The following IL5RA variants were observed in gnomAD, a reference collection of about 807,000 sequenced individuals.
IL5RA encodes the protein interleukin 5 receptor subunit alpha.
IL5RA carries 49 observed loss-of-function variants against 50.0 expected under a neutral mutation model. The observed-to-expected ratio is 0.98, with a 90% CI of 0.78 to 1.24. The LOEUF is 1.24. Among genes scored for constraint, IL5RA ranks in the 50% most tolerant of loss-of-function variants. The pLI is 0.00. For synonymous variants in IL5RA, 202 were observed against 174.0 expected, an observed-to-expected ratio of 1.16 and a Z score of -1.26; for missense variants, 600 against 500.4, an observed-to-expected ratio of 1.20 and a Z score of -1.90.
At position 3,098,008 on chromosome 3, in the gene IL5RA, C is replaced by G. The variant is rs150869333; in HGVS notation, c.571G>C (p.Gly191Arg). Residue 191 changes from glycine (G) to arginine (R), a missense_variant, in exon 7 of 12, where the codon GGG becomes CGG. Gly to Arg is a moderately radical substitution (Grantham distance 125). Transcript: ENST00000446632. Reference sequence around the variant, plus strand: ...GGAAACCAGCATGCGATATTTCTCCCCAGTGTGTCTTTGCTGTATTCTTGG... The same window carrying G: ...GGAAACCAGCATGCGATATTTCTCCGCAGTGTGTCTTTGCTGTATTCTTGG... Reference protein sequence around the residue: ...ECQEYSKDTLGRNIACWFPRT... With the variant: ...ECQEYSKDTLRRNIACWFPRT... 6.2e-7 allele frequency: 1 copy of G among 1,614,072 alleles called. No homozygotes were observed. The highest frequency in any genetic ancestry group is 8.5e-7 in the Non-Finnish European group (1 of 1,180,050).
intron 5 of IL5RA, among the ~76,000 whole-genome samples, chr3:3,099,789 C>T (rs1703554622): frequency 6.6e-6 from 1 of 151,926 alleles, no homozygotes; most frequent in Non-Finnish European, 1.5e-5. Context: ...CCTGCCTCAG[C>T]CTCCCGAGTA....
chr3:3,067,048 C>T lies in IL5RA; in HGVS notation c.*3177G>A, dbSNP rs1420243299. 6.6e-6 allele frequency: 1 copy of T among 152,266 alleles called. No homozygotes were observed. Among genetic ancestry groups the T allele is most frequent in the Non-Finnish European group, 1.5e-5 (1 of 68,078 alleles). The allele number at this position is 152,266 out of a possible 1,614,324, so 9.4% of individuals were successfully genotyped here. A position where few individuals can be genotyped will look rare whatever the true frequency, so the allele number is the denominator to read the frequency against. On this transcript the variant is annotated 3_prime_UTR_variant, in exon 12 of 12. Coordinates refer to ENST00000446632, the MANE Select transcript of IL5RA (RefSeq NM_175726.4). ...ATATCATGACTTTACCTTACATCAACCTGCTGCTGATGGTGTTTACTGTTA... is the reference window on the plus strand; with the variant it reads ...ATATCATGACTTTACCTTACATCAATCTGCTGCTGATGGTGTTTACTGTTA...
intron 9 of IL5RA, among the ~76,000 whole-genome samples, chr3:3,090,644 G>A (rs1703054063): frequency 1.4e-5 from 2 of 142,532 alleles, no homozygotes. Flanking sequence ...TCGGCTCACT[G>A]CAAGCTCCGC....
chr3:3,072,917 A>T (rs1266853936), intron 11 of IL5RA, among the ~76,000 whole-genome samples: 1 of 152,164 alleles, frequency 6.6e-6, no homozygotes, highest in African/African-American at 2.4e-5. Context: ...ATCTCAAACA[A>T]ACAAAACCAG....
chr3:3,070,036 GA>G lies in IL5RA; in HGVS notation c.*188del. The G allele has an allele frequency of 1.9e-6, 1 of 535,696 alleles. No homozygotes were observed. The highest frequency in any genetic ancestry group is 3.4e-6 in the Non-Finnish European group (1 of 297,912). The allele number at this position is 535,696 out of a possible 1,614,324, so 33.2% of individuals were successfully genotyped here. A position where few individuals can be genotyped will look rare whatever the true frequency, so the allele number is the denominator to read the frequency against. On this transcript the variant is annotated 3_prime_UTR_variant, in exon 12 of 12. Transcript: ENST00000446632. ...ATGAGTCAACTTCCCTGCTGTAGGT[GA>G]GGCGATTTGGATGAAGCATCCATAC...
intron 1 of IL5RA, among the ~76,000 whole-genome samples, chr3:3,109,662 A>G (rs3856850): frequency 0.24 from 37,090 of 152,124 alleles, 4,947 homozygotes; most frequent in South Asian, 0.45. Flanking sequence ...CCCAGAATCA[A>G]CATGACCTGC....
At chr3:3,086,443 G>A (rs1339227152) in intron 9 of IL5RA, among the ~76,000 whole-genome samples, 1 of 152,044 alleles carries the variant, frequency 6.6e-6, no homozygotes, top group Non-Finnish European at 1.5e-5. Flanking sequence ...TTAAAAAGGA[G>A]AAAGACATGT....
At chr3:3,108,465 G>C (rs1704036416) in intron 2 of IL5RA, 85 bp downstream of exon 2, 1 of 152,218 alleles carries the variant, frequency 6.6e-6, no homozygotes, top group African/African-American at 2.4e-5. Context: ...GAAAGAGTTT[G>C]CTACAAATAT....
intron 4 of IL5RA, among the ~76,000 whole-genome samples, chr3:3,102,304 G>A (rs1184314340): frequency 6.6e-6 from 1 of 152,164 alleles, no homozygotes; most frequent in Non-Finnish European, 1.5e-5. Context: ...TTTGAACTTA[G>A]TTTCCCTGAC....
intron 9 of IL5RA, among the ~76,000 whole-genome samples, chr3:3,079,329 T>G (rs1046452577): frequency 1.3e-5 from 2 of 152,192 alleles, no homozygotes; most frequent in Non-Finnish European, 2.9e-5. Flanking sequence ...CATGTTCTTC[T>G]TCATATAAAA....
chr3:3,094,963 G>C (rs566732508), intron 8 of IL5RA, among the ~76,000 whole-genome samples: 1 of 152,108 alleles, frequency 6.6e-6, no homozygotes, highest in Non-Finnish European at 1.5e-5. Flanking sequence ...CTGGTCTCAG[G>C]TGATCCACCC....
chr3:3,094,268 T>G (rs1703258340), intron 8 of IL5RA, among the ~76,000 whole-genome samples: 1 of 152,208 alleles, frequency 6.6e-6, no homozygotes, highest in African/African-American at 2.4e-5. Flanking sequence ...ACAATACCTC[T>G]CCTTCCACCC....
chr3:3,082,112 C>T (rs1468047118), intron 9 of IL5RA, among the ~76,000 whole-genome samples: 1 of 152,160 alleles, frequency 6.6e-6, no homozygotes, highest in Non-Finnish European at 1.5e-5. Context: ...AAAGTAAGCA[C>T]CTGCTCTGGT....
rs1704116376 is a variant in IL5RA, at chr3:3,110,181, A to C, written c.-382T>G. ...GTGCAGGAGCTGAACTGGAACTCCC[A>C]ACAACCAAACTGCTGTCAAACGAAA... On this transcript the variant is annotated 5_prime_UTR_variant, in exon 1 of 12. Coordinates refer to ENST00000446632, the MANE Select transcript of IL5RA (RefSeq NM_175726.4). 6.6e-6 allele frequency: 1 copy of C among 152,276 alleles called. No individual in the cohort carries two copies. The highest frequency in any genetic ancestry group is 2.1e-4 in the South Asian group (1 of 4,834). 9.4% of individuals were successfully genotyped at this position (152,276 alleles called of 1,614,324 possible).
At chr3:3,104,103 C>A (rs1015185833) in intron 3 of IL5RA, among the ~76,000 whole-genome samples, 1 of 152,206 alleles carries the variant, frequency 6.6e-6, no homozygotes, top group Admixed American at 6.5e-5. Flanking sequence ...CAGTGTTGTG[C>A]GATCTCAGCT....
chr3:3,101,980 A>G, intron 4 of IL5RA, 150 bp from the exon 5 acceptor site: 1 of 684,980 alleles, frequency 1.5e-6, no homozygotes, highest in Non-Finnish European at 2.4e-6. Context: ...AAACAAAACC[A>G]TTGTAATAAC....
At chr3:3,096,541 T>C (rs1703376291) in intron 7 of IL5RA, among the ~76,000 whole-genome samples, 1 of 152,126 alleles carries the variant, frequency 6.6e-6, no homozygotes, top group Non-Finnish European at 1.5e-5. Flanking sequence ...ACCAAGAAAG[T>C]ACTTATTTAT....
chr3:3,076,388 A>C (rs1371823927), intron 10 of IL5RA, 143 bp downstream of exon 10: 1 of 623,544 alleles, frequency 1.6e-6, no homozygotes, highest in East Asian at 2.8e-5. Flanking sequence ...GCCTACACTC[A>C]TCTTGGACAG....
Position 3,069,611 on chromosome 3 carries a change from C to T in IL5RA, c.*614G>A, listed in dbSNP as rs1559857446. On this transcript the variant is annotated 3_prime_UTR_variant, in exon 12 of 12. Transcript: ENST00000446632. Reference sequence around the variant, plus strand: ...TCAAATGATGTATCCTGGATCAGGCCTCTGGAGCTTGAGATAATTTCTCTC... The same window carrying T: ...TCAAATGATGTATCCTGGATCAGGCTTCTGGAGCTTGAGATAATTTCTCTC... The T allele has an allele frequency of 6.7e-6, 1 of 149,184 alleles. No individual in the cohort carries two copies. Among genetic ancestry groups the T allele is most frequent in the African/African-American group, 2.5e-5 (1 of 39,236 alleles). The allele number at this position is 149,184 out of a possible 1,614,324, so 9.2% of individuals were successfully genotyped here. A position where few individuals can be genotyped will look rare whatever the true frequency, so the allele number is the denominator to read the frequency against.
Sources: gnomAD v4.1 joint callset for allele counts (sites outside exome capture counted in the v4.1 genomes callset) on GRCh38, gnomAD v4.1.1 for gene constraint, MANE v1.5 for transcripts, NCBI Gene and HGNC (gene_info 2026-07-23, HGNC 2026-07-21) for gene names.